Variants in CA10 observed in about 807,000 individuals in gnomAD.
The protein encoded by CA10 is carbonic anhydrase 10 (inactive).
A neutral mutation model predicts 44.2 loss-of-function variants in CA10; 14 were observed. The observed-to-expected ratio is 0.32, with a 90% CI of 0.21 to 0.50. The LOEUF (loss-of-function observed/expected upper bound fraction) is 0.50, where lower values mean the gene tolerates loss of function less well. Among genes scored for constraint, CA10 ranks in the 20% least tolerant of loss-of-function variants. The pLI is 0.99. For missense variants in CA10, 350 were observed against 409.7 expected (o/e 0.85, Z 1.26); for synonymous variants, 159 against 141.6 (o/e 1.12, Z -0.87).
chr17:52,064,026 C>T (rs1035555667), intron 2 of CA10, among the ~76,000 whole-genome samples: 5 of 152,182 alleles, frequency 3.3e-5, no homozygotes, highest in African/African-American at 7.2e-5. Flanking sequence ...GCATGTTATA[C>T]TGAATAGGCT....
chr17:52,150,510 T>A (rs1176264613), intron 1 of CA10, among the ~76,000 whole-genome samples: 1 of 152,188 alleles, frequency 6.6e-6, no homozygotes, highest in African/African-American at 2.4e-5. Context: ...AATGATTAAG[T>A]GGACAATGAA....
chr17:51,853,607 C>T (rs1041034696), intron 3 of CA10, among the ~76,000 whole-genome samples: 4 of 152,282 alleles, frequency 2.6e-5, no homozygotes, highest in African/African-American at 7.2e-5. Context: ...TCTTCAGACT[C>T]GTTAGCTCTT....
chr17:51,860,920 C>T (rs766078503), intron 3 of CA10, among the ~76,000 whole-genome samples: 1 of 152,088 alleles, frequency 6.6e-6, no homozygotes, highest in Non-Finnish European at 1.5e-5. Flanking sequence ...AATCCTACTC[C>T]CCACAACCTG....
chr17:51,980,861 C>T (rs988980982), intron 2 of CA10, among the ~76,000 whole-genome samples: 8 of 152,100 alleles, frequency 5.3e-5, no homozygotes, highest in Middle Eastern at 3.4e-3. Flanking sequence ...CTTTCTCTTC[C>T]GTTCCATTGA....
chr17:51,957,560 T>G (rs1983713276), intron 2 of CA10, among the ~76,000 whole-genome samples: 1 of 152,104 alleles, frequency 6.6e-6, no homozygotes, highest in Non-Finnish European at 1.5e-5. Context: ...AAGGCCAAGT[T>G]GTAACCATCT....
intron 5 of CA10, among the ~76,000 whole-genome samples, chr17:51,652,367 A>G (rs1268083921): frequency 6.6e-6 from 1 of 152,244 alleles, no homozygotes; most frequent in Non-Finnish European, 1.5e-5. Context: ...ATGCCAGGAG[A>G]TACCATTAGA....
chr17:51,931,405 C>G (rs1342578122), intron 2 of CA10, among the ~76,000 whole-genome samples: 2 of 152,158 alleles, frequency 1.3e-5, no homozygotes, highest in African/African-American at 2.4e-5. Flanking sequence ...ATCATTAACA[C>G]TTTAATGCTA....
chr17:51,651,255 T>C (rs913038967), intron 5 of CA10, among the ~76,000 whole-genome samples: 1 of 152,176 alleles, frequency 6.6e-6, no homozygotes, highest in Non-Finnish European at 1.5e-5. Flanking sequence ...CCAAGAGCTT[T>C]GTTCATCTTA....
chr17:51,995,636 C>A (rs1316442869), intron 2 of CA10, among the ~76,000 whole-genome samples: 1 of 151,970 alleles, frequency 6.6e-6, no homozygotes, highest in Non-Finnish European at 1.5e-5. Context: ...AAAAGTATAG[C>A]CAAGGTTAAT....
chr17:52,037,416 T>C (rs1986649643), intron 2 of CA10, among the ~76,000 whole-genome samples: 1 of 152,110 alleles, frequency 6.6e-6, no homozygotes, highest in African/African-American at 2.4e-5. Flanking sequence ...TAAAGATCAG[T>C]GAGTAACACC....
chr17:52,115,021 A>G (rs1598222200), intron 1 of CA10, among the ~76,000 whole-genome samples: 1 of 152,314 alleles, frequency 6.6e-6, no homozygotes, highest in East Asian at 1.9e-4. Flanking sequence ...TGTTTACACC[A>G]GATGTTTTTG....
chr17:51,868,891 GTT>G (rs75281671), intron 3 of CA10, among the ~76,000 whole-genome samples: 6,959 of 139,386 alleles, frequency 0.05, 188 homozygotes, highest in South Asian at 0.08. Flanking sequence ...AAGTTTTTTT[GTT>G]TTTTTTTTTT....
At chr17:51,824,206 C>T (rs973638383) in intron 3 of CA10, among the ~76,000 whole-genome samples, 7 of 152,020 alleles carry the variant, frequency 4.6e-5, no homozygotes, top group African/African-American at 1.7e-4. Flanking sequence ...ATAAACCAAA[C>T]GTTTAAAAAG....
chr17:52,151,313 A>G (rs1989698415), intron 1 of CA10, among the ~76,000 whole-genome samples: 1 of 152,096 alleles, frequency 6.6e-6, no homozygotes, highest in Non-Finnish European at 1.5e-5. Flanking sequence ...TTTTTTAAAT[A>G]TCTTCTTGTC....
chr17:51,756,238 T>C (rs1905074293), intron 3 of CA10, among the ~76,000 whole-genome samples: 1 of 152,178 alleles, frequency 6.6e-6, no homozygotes, highest in Admixed American at 6.5e-5. Context: ...TCCATCATCA[T>C]CTCATTTCAC....
intron 4 of CA10, among the ~76,000 whole-genome samples, chr17:51,725,687 G>T (rs1038708341): frequency 2.6e-5 from 4 of 152,162 alleles, no homozygotes; most frequent in African/African-American, 9.7e-5. Context: ...TTTTTCTCTT[G>T]AGATTTCTCT....
chr17:51,680,545 G>T (rs77138640), intron 4 of CA10, among the ~76,000 whole-genome samples: 1 of 152,182 alleles, frequency 6.6e-6, no homozygotes, highest in Non-Finnish European at 1.5e-5. Context: ...GGTTCTCAAA[G>T]TTGGGGAGTG....
intron 2 of CA10, among the ~76,000 whole-genome samples, chr17:52,018,044 C>T (rs1986023083): frequency 6.6e-6 from 1 of 152,082 alleles, no homozygotes. Flanking sequence ...CCTCAGAACC[C>T]AAGAGTGAAG....
chr17:52,042,063 T>C (rs1383770609), intron 2 of CA10, among the ~76,000 whole-genome samples: 1 of 152,098 alleles, frequency 6.6e-6, no homozygotes, highest in Non-Finnish European at 1.5e-5. Context: ...AACATGACAC[T>C]GCTGGCATCT....
Sources: allele counts gnomAD v4.1 joint callset (sites outside exome capture counted in the v4.1 genomes callset), GRCh38; gene constraint gnomAD v4.1.1; transcripts MANE v1.5; gene names NCBI Gene and HGNC (gene_info 2026-07-23, HGNC 2026-07-21).